GALNTL6: variants seen among roughly 807,000 people sequenced by gnomAD.
GALNTL6 encodes polypeptide N-acetylgalactosaminyltransferase-like 6.
A neutral mutation model predicts 73.7 loss-of-function variants in GALNTL6; 46 were observed. The ratio of observed to expected loss-of-function variants is 0.62; its 90% CI spans 0.49 to 0.80. The LOEUF (loss-of-function observed/expected upper bound fraction) is 0.80, where lower values mean the gene tolerates loss of function less well. GALNTL6 is among the 30% of genes least tolerant of loss of function. GALNTL6 has a pLI of 0.00. For synonymous variants in GALNTL6, 259 were observed against 263.7 expected, an observed-to-expected ratio of 0.98 and a Z score of 0.17; for missense variants, 604 against 755.0, an observed-to-expected ratio of 0.80 and a Z score of 2.34.
chr4:172,021,255 T>C (rs919446557), intron 2 of GALNTL6, among the ~76,000 whole-genome samples: 1 of 152,028 alleles, frequency 6.6e-6, no homozygotes, highest in Non-Finnish European at 1.5e-5. Context: ...CCACTGTTAC[T>C]TAACATGTTA....
At chr4:172,348,170 A>G (rs1741818449) in intron 4 of GALNTL6, among the ~76,000 whole-genome samples, 2 of 152,308 alleles carry the variant, frequency 1.3e-5, no homozygotes, top group South Asian at 4.1e-4. Flanking sequence ...TCTAAACCTT[A>G]ATTATGTGCT....
intron 2 of GALNTL6, among the ~76,000 whole-genome samples, chr4:172,026,561 A>G (rs768194970): frequency 7.2e-5 from 11 of 152,200 alleles, no homozygotes; most frequent in Non-Finnish European, 1.6e-4. Flanking sequence ...TAAAATTCAA[A>G]ACATATATAG....
intron 5 of GALNTL6, among the ~76,000 whole-genome samples, chr4:172,559,152 C>T (rs919986193): frequency 2.1e-5 from 3 of 142,606 alleles, no homozygotes; most frequent in Admixed American, 7.5e-5. Flanking sequence ...GCAACCTCCA[C>T]CTCCCAGGTT....
chr4:173,003,680 T>C (rs2126481776), intron 10 of GALNTL6, among the ~76,000 whole-genome samples: 1 of 152,352 alleles, frequency 6.6e-6, no homozygotes, highest in African/African-American at 2.4e-5. Flanking sequence ...CTATATCATG[T>C]GCCATTCCCT....
chr4:172,735,600 GT>G (rs1403717248), intron 5 of GALNTL6, among the ~76,000 whole-genome samples: 9 of 152,114 alleles, frequency 5.9e-5, no homozygotes, highest in Non-Finnish European at 4.4e-5. Flanking sequence ...GGCATGATTG[GT>G]TTTGACATGT....
intron 2 of GALNTL6, among the ~76,000 whole-genome samples, chr4:172,093,197 G>C (rs1448949026): frequency 6.6e-6 from 1 of 151,988 alleles, no homozygotes; most frequent in African/African-American, 2.4e-5. Flanking sequence ...ATAAAACCTT[G>C]TAAACAAATC....
intron 2 of GALNTL6, among the ~76,000 whole-genome samples, chr4:171,823,129 T>G (rs1230500190): frequency 6.6e-6 from 1 of 152,206 alleles, no homozygotes; most frequent in Non-Finnish European, 1.5e-5. Flanking sequence ...AATTTGTCCC[T>G]GGTATTCTCT....
intron 5 of GALNTL6, among the ~76,000 whole-genome samples, chr4:172,736,550 G>C (rs1417342666): frequency 1.3e-5 from 2 of 152,122 alleles, no homozygotes; most frequent in Non-Finnish European, 2.9e-5. Flanking sequence ...ATCATCACAG[G>C]GTCCTGAGGT....
chr4:172,846,994 A>G (rs1743547294), intron 7 of GALNTL6, among the ~76,000 whole-genome samples: 1 of 151,682 alleles, frequency 6.6e-6, no homozygotes, highest in East Asian at 1.9e-4. Context: ...GTCTCTCTGC[A>G]TTGTTCCTGA....
chr4:173,014,020 T>TA (rs2126502458), intron 11 of GALNTL6, among the ~76,000 whole-genome samples: 1 of 151,074 alleles, frequency 6.6e-6, no homozygotes, highest in Non-Finnish European at 1.5e-5. Context: ...GGAGACTTAT[T>TA]AGAGTTGAAA....
chr4:172,478,298 C>T (rs1382293608), intron 5 of GALNTL6, among the ~76,000 whole-genome samples: 1 of 152,148 alleles, frequency 6.6e-6, no homozygotes, highest in Non-Finnish European at 1.5e-5. Flanking sequence ...ACAGCATGGA[C>T]TCGTGTAAAA....
intron 7 of GALNTL6, among the ~76,000 whole-genome samples, chr4:172,866,340 T>C (rs1203493054): frequency 6.6e-6 from 1 of 152,134 alleles, no homozygotes; most frequent in Non-Finnish European, 1.5e-5. Context: ...AGAAGGAGCA[T>C]AGGCTAGGCT....
intron 5 of GALNTL6, among the ~76,000 whole-genome samples, chr4:172,381,202 A>T (rs188584743): frequency 5.9e-4 from 90 of 152,342 alleles, no homozygotes; most frequent in African/African-American, 1.7e-3. Context: ...TATGCTTTGG[A>T]TGAAACAAAT....
At chr4:172,224,524 T>G (rs1182079615) in intron 2 of GALNTL6, among the ~76,000 whole-genome samples, 1 of 152,252 alleles carries the variant, frequency 6.6e-6, no homozygotes, top group Non-Finnish European at 1.5e-5. Context: ...GTATTTTTAT[T>G]GTCATCTGCA....
At chr4:172,640,316 T>A (rs1739913529) in intron 5 of GALNTL6, among the ~76,000 whole-genome samples, 1 of 152,140 alleles carries the variant, frequency 6.6e-6, no homozygotes, top group African/African-American at 2.4e-5. Context: ...TTTGACCGGA[T>A]GTTCTGCCTC....
intron 5 of GALNTL6, among the ~76,000 whole-genome samples, chr4:172,575,292 A>G (rs1736918857): frequency 6.6e-6 from 1 of 152,196 alleles, no homozygotes; most frequent in Non-Finnish European, 1.5e-5. Context: ...CATTGTTATG[A>G]TAATACCTAG....
At chr4:171,867,915 G>C (rs934241248) in intron 2 of GALNTL6, among the ~76,000 whole-genome samples, 5 of 151,432 alleles carry the variant, frequency 3.3e-5, no homozygotes, top group Non-Finnish European at 7.4e-5. Context: ...CTTCATTTTT[G>C]CTCTTCCTGT....
chr4:172,837,128 G>A (rs138658272), intron 7 of GALNTL6, among the ~76,000 whole-genome samples: 2 of 152,158 alleles, frequency 1.3e-5, no homozygotes, highest in African/African-American at 2.4e-5. Flanking sequence ...GGTTACAAGG[G>A]CCATAGCCTG....
chr4:172,947,466 C>T (rs1226212887), intron 9 of GALNTL6, among the ~76,000 whole-genome samples: 1 of 152,174 alleles, frequency 6.6e-6, no homozygotes, highest in African/African-American at 2.4e-5. Flanking sequence ...CAGCTAACAC[C>T]TGGCTCTGTA....
Sources: allele counts gnomAD v4.1 joint callset (sites outside exome capture counted in the v4.1 genomes callset), GRCh38; gene constraint gnomAD v4.1.1; transcripts MANE v1.5; gene names NCBI Gene and HGNC (gene_info 2026-07-23, HGNC 2026-07-21).